Variants in UNC80 observed in about 807,000 individuals in gnomAD.
The protein encoded by UNC80 is protein unc-80 homolog.
UNC80 carries 164 observed loss-of-function variants against 384.6 expected under a neutral mutation model. That is an observed-to-expected ratio of 0.43 (90% CI 0.38 to 0.49). The LOEUF (loss-of-function observed/expected upper bound fraction) is 0.49, where lower values mean the gene tolerates loss of function less well. UNC80 is among the 20% of genes least tolerant of loss of function. UNC80 has a pLI of 0.00. For missense variants in UNC80, 3,330 were observed against 4,143.0 expected (o/e 0.80, Z 5.39); for synonymous variants, 1,486 against 1,527.8 (o/e 0.97, Z 0.64).
chr2:209,832,762 C>T (rs2081072034), intron 16 of UNC80, among the ~76,000 whole-genome samples: 1 of 152,102 alleles, frequency 6.6e-6, no homozygotes. Flanking sequence ...TTTTTACAAA[C>T]TCATGTATAG....
chr2:209,781,184 A>G (rs779858119), intron 4 of UNC80, among the ~76,000 whole-genome samples: 16 of 152,014 alleles, frequency 1.1e-4, no homozygotes, highest in Non-Finnish European at 1.9e-4. Context: ...TTACTCTTCA[A>G]TCTCTTATTC....
intron 31 of UNC80, among the ~76,000 whole-genome samples, chr2:209,914,180 A>C (rs984164749): frequency 6.6e-6 from 1 of 152,192 alleles, no homozygotes; most frequent in African/African-American, 2.4e-5. Flanking sequence ...GGTGTTACCA[A>C]ATTATAGAGA....
intron 35 of UNC80, 94 bp from the exon 36 acceptor site, chr2:209,926,749 C>A (rs2090466844): frequency 2.7e-6 from 4 of 1,459,720 alleles, no homozygotes; most frequent in Non-Finnish European, 3.7e-6. Flanking sequence ...GTACTCCAGC[C>A]TGGGTGACAG....
intron 29 of UNC80, among the ~76,000 whole-genome samples, chr2:209,910,588 A>G (rs750186274): frequency 1.5e-4 from 23 of 151,642 alleles, no homozygotes; most frequent in Non-Finnish European, 3.4e-4. Flanking sequence ...TATTTGAGGA[A>G]CTTGACTTAT....
intron 11 of UNC80, among the ~76,000 whole-genome samples, chr2:209,818,590 G>C (rs981255700): frequency 6.6e-6 from 1 of 152,010 alleles, no homozygotes; most frequent in African/African-American, 2.4e-5. Context: ...AGCCAAAGGA[G>C]AAAAAAATTA....
chr2:209,793,927 C>G (rs2077994705), intron 7 of UNC80, 68 bp downstream of exon 7: 1 of 1,574,748 alleles, frequency 6.4e-7, no homozygotes, highest in Admixed American at 1.7e-5. Context: ...GCATTTTTAA[C>G]TACTTCGATA....
At chr2:209,849,945 C>T (rs75433939) in intron 22 of UNC80, among the ~76,000 whole-genome samples, 2,329 of 151,930 alleles carry the variant, frequency 0.015, 58 homozygotes, top group African/African-American at 0.052. Flanking sequence ...CGGGCTAGTG[C>T]GAAAACTAAA....
chr2:209,974,543 A>G (rs1401899163), intron 56 of UNC80, among the ~76,000 whole-genome samples: 1 of 152,228 alleles, frequency 6.6e-6, no homozygotes, highest in Admixed American at 6.5e-5. Flanking sequence ...TGGCCAGGCT[A>G]CTGAACCTGT....
chr2:209,814,374 T>C (rs1442839446), intron 8 of UNC80, among the ~76,000 whole-genome samples: 1 of 152,054 alleles, frequency 6.6e-6, no homozygotes, highest in East Asian at 1.9e-4. Flanking sequence ...TAGCTGGGAC[T>C]GCAGGACTAC....
At chr2:209,829,080 A>T in intron 14 of UNC80, 152 bp from the exon 15 acceptor site, 1 of 786,292 alleles carries the variant, frequency 1.3e-6, no homozygotes, top group Non-Finnish European at 2.0e-6. Flanking sequence ...CTCACATCTT[A>T]CTCAGACAAG....
At chr2:209,992,781 ATTATT>A (rs1292164233) in intron 62 of UNC80, among the ~76,000 whole-genome samples, 1 of 152,218 alleles carries the variant, frequency 6.6e-6, no homozygotes, top group Non-Finnish European at 1.5e-5. Context: ...TCATTTCAAG[ATTATT>A]TAATTTAAAG....
chr2:209,895,887 A>G (rs143095989), intron 27 of UNC80, among the ~76,000 whole-genome samples: 1 of 152,316 alleles, frequency 6.6e-6, no homozygotes, highest in East Asian at 1.9e-4. Flanking sequence ...CTAGAGCAAT[A>G]GCACTAGCTG....
Position 209,791,774 on chromosome 2 carries a change from C to A in UNC80, c.799-1946C>A, listed in dbSNP as rs182816194. Among the ~76,000 whole-genome samples the A allele has an allele frequency of 2.5e-5, 3 of 119,992 alleles. 1 individual carries two copies. In the South Asian group the frequency reaches 8.6e-4, roughly 34 times the overall value. 78.7% of individuals were successfully genotyped at this position (119,992 alleles called of 152,430 possible). ...GGTGGAGCTTGCAGTGAGCTGAGAT[C>A]GTGCCACTGCACTCCAGCCTGGGCG... On this transcript the variant is annotated intron_variant, in intron 6 of 64. Transcript: ENST00000673920.
At chr2:209,873,392 A>G (rs562039015) in intron 23 of UNC80, among the ~76,000 whole-genome samples, 1 of 152,292 alleles carries the variant, frequency 6.6e-6, no homozygotes, top group East Asian at 1.9e-4. Flanking sequence ...ATATTTTGTA[A>G]GGCATGATTT....
At chr2:209,910,614 A>C (rs1276222260) in intron 29 of UNC80, among the ~76,000 whole-genome samples, 1 of 151,796 alleles carries the variant, frequency 6.6e-6, no homozygotes, top group Non-Finnish European at 1.5e-5. Context: ...GGTAGGCAGA[A>C]ACACAGGGTA....
chr2:209,871,301 C>T (rs2084272472), intron 22 of UNC80, among the ~76,000 whole-genome samples: 1 of 152,082 alleles, frequency 6.6e-6, no homozygotes, highest in African/African-American at 2.4e-5. Flanking sequence ...TCAATGAGAC[C>T]TGGGTTGAAT....
At chr2:209,793,602 A>T in intron 6 of UNC80, 118 bp from the exon 7 acceptor site, 2 of 1,247,742 alleles carry the variant, frequency 1.6e-6, no homozygotes, top group Non-Finnish European at 2.2e-6. Context: ...ACTATAGTGA[A>T]AAAAAGCCCA....
At chr2:209,857,026 G>A (rs1314079870) in intron 22 of UNC80, among the ~76,000 whole-genome samples, 4 of 151,954 alleles carry the variant, frequency 2.6e-5, no homozygotes, top group Non-Finnish European at 5.9e-5. Flanking sequence ...CTGACCTTAG[G>A]TAATCCACCC....
rs1007479853 is a variant in UNC80 at position 209,791,985 on chromosome 2, C to T, written c.799-1735C>T. 2.6e-5 allele frequency among the ~76,000 whole-genome samples: 4 copies of T among 152,040 alleles called. No homozygotes were observed. The South Asian group carries it at 6.2e-4, about 24-fold the overall frequency. Reference sequence around the variant, plus strand: ...GTCTGAATTGACACTGTAAAATGTACATCAGATTTTGAAAATATAGTATAA... The same window carrying T: ...GTCTGAATTGACACTGTAAAATGTATATCAGATTTTGAAAATATAGTATAA... On this transcript the variant is annotated intron_variant, in intron 6 of 64. Coordinates refer to ENST00000673920, the MANE Select transcript of UNC80 (RefSeq NM_001371986.1).
Sources: gnomAD v4.1 joint callset for allele counts (sites outside exome capture counted in the v4.1 genomes callset) on GRCh38, gnomAD v4.1.1 for gene constraint, MANE v1.5 for transcripts, NCBI Gene and HGNC (gene_info 2026-07-23, HGNC 2026-07-21) for gene names.